MAGI3: variants seen among roughly 807,000 people sequenced by gnomAD.
MAGI3 encodes membrane associated guanylate kinase, WW and PDZ domain containing 3.
Under a neutral mutation model 121.8 loss-of-function variants are expected in MAGI3, and 43 were observed. The ratio of observed to expected loss-of-function variants is 0.35; its 90% CI spans 0.28 to 0.46. The LOEUF (loss-of-function observed/expected upper bound fraction) is 0.46. Ranked by LOEUF, MAGI3 falls within the 20% of genes least tolerant of loss-of-function variation. The pLI is 1.00. For missense variants in MAGI3, 1,547 were observed against 1,797.3 expected (o/e 0.86, Z 2.52); for synonymous variants, 553 against 639.3 (o/e 0.86, Z 2.04).
At chr1:113,462,797 A>G (rs2101521121) in intron 1 of MAGI3, among the ~76,000 whole-genome samples, 1 of 152,308 alleles carries the variant, frequency 6.6e-6, no homozygotes, top group South Asian at 2.1e-4. Context: ...CTTTTAGGCA[A>G]TTCTATTATT....
At chr1:113,597,078 C>T (rs560668090) in intron 6 of MAGI3, among the ~76,000 whole-genome samples, 1 of 152,148 alleles carries the variant, frequency 6.6e-6, no homozygotes, top group Non-Finnish European at 1.5e-5. Context: ...CCCAACTGTC[C>T]ATTAACCAAT....
At chr1:113,490,651 C>G (rs1656625856) in intron 1 of MAGI3, among the ~76,000 whole-genome samples, 1 of 152,158 alleles carries the variant, frequency 6.6e-6, no homozygotes, top group Non-Finnish European at 1.5e-5. Flanking sequence ...GAGTGACATA[C>G]ATAGGCTCAA....
At chr1:113,503,773 G>T (rs1043621110) in intron 1 of MAGI3, among the ~76,000 whole-genome samples, 1 of 151,328 alleles carries the variant, frequency 6.6e-6, no homozygotes, top group Non-Finnish European at 1.5e-5. Flanking sequence ...TTGGTTATTT[G>T]TAACAAGAAT....
chr1:113,671,971 ACTCTTGCCTGTTC>A lies in MAGI3; in HGVS notation c.2918+139_2918+151del, dbSNP rs1647583901. 4.0e-6 allele frequency: 3 copies of A among 758,290 alleles called. No individual in the cohort carries two copies. In the East Asian group the frequency reaches 8.1e-5, roughly 20 times the overall value. The allele number at this position is 758,290 out of a possible 1,614,324, so 47.0% of individuals were successfully genotyped here. ...GCCAGCTGTTGAGGTCAAAATGACA[ACTCTTGCCTGTTC>A]CTCAAATACCGTCCCCATCACCTCC... On this transcript the variant is annotated intron_variant, in intron 17 of 20. Transcript: ENST00000307546.
At chr1:113,594,897 A>G (rs1648904495) in intron 6 of MAGI3, among the ~76,000 whole-genome samples, 1 of 152,208 alleles carries the variant, frequency 6.6e-6, no homozygotes, top group South Asian at 2.1e-4. Flanking sequence ...ACCATAAGCT[A>G]GGTCTATCAT....
chr1:113,678,163 G>GTT (rs1419578451), intron 19 of MAGI3, among the ~76,000 whole-genome samples: 5 of 152,066 alleles, frequency 3.3e-5, no homozygotes, highest in Non-Finnish European at 7.4e-5. Context: ...AGTGTTCTGG[G>GTT]TTGGAGAGCT....
At chr1:113,394,141 T>C (rs1428770926) in intron 1 of MAGI3, among the ~76,000 whole-genome samples, 1 of 152,214 alleles carries the variant, frequency 6.6e-6, no homozygotes, top group Non-Finnish European at 1.5e-5. Context: ...CCAGGTGACT[T>C]AACATCTTTC....
At chr1:113,632,954 C>T (rs1044135862) in intron 9 of MAGI3, among the ~76,000 whole-genome samples, 10 of 150,934 alleles carry the variant, frequency 6.6e-5, no homozygotes, top group African/African-American at 2.4e-4. Context: ...ACACAATGTG[C>T]AGGTTAGTTA....
At chr1:113,541,751 G>A (rs1659297795) in intron 1 of MAGI3, among the ~76,000 whole-genome samples, 1 of 152,180 alleles carries the variant, frequency 6.6e-6, no homozygotes, top group African/African-American at 2.4e-5. Context: ...ATTGCAAAGG[G>A]TTTTAGTGTC....
At chr1:113,614,206 A>G (rs1310382344) in intron 6 of MAGI3, among the ~76,000 whole-genome samples, 1 of 152,188 alleles carries the variant, frequency 6.6e-6, no homozygotes, top group African/African-American at 2.4e-5. Context: ...TGAACATAAC[A>G]TCAAAAATGA....
chr1:113,634,308 G>C (rs1405398215), intron 9 of MAGI3, among the ~76,000 whole-genome samples: 1 of 151,840 alleles, frequency 6.6e-6, no homozygotes, highest in Non-Finnish European at 1.5e-5. Flanking sequence ...TGAAGTCCTT[G>C]CCCATGCCTA....
At chr1:113,629,115 T>G (rs1268554704) in intron 9 of MAGI3, among the ~76,000 whole-genome samples, 1 of 147,236 alleles carries the variant, frequency 6.8e-6, no homozygotes, top group African/African-American at 2.7e-5. Context: ...TTATTCTTGT[T>G]TTTTTTTGTC....
At chr1:113,457,084 C>A (rs1232181272) in intron 1 of MAGI3, among the ~76,000 whole-genome samples, 7 of 152,140 alleles carry the variant, frequency 4.6e-5, no homozygotes, top group African/African-American at 1.7e-4. Context: ...CAAAGGCTTT[C>A]CAAGCTCCTT....
Position 113,673,479 on chromosome 1 carries a change from T to C in MAGI3, c.3189+14T>C. On this transcript the variant is annotated intron_variant, in intron 19 of 20. Transcript: ENST00000307546. The stretch of plus-strand genomic sequence containing the variant: ...GGCAGAATTCATGTGAGTTGGTTTC[T>C]GTCTGTAACCTTAGGTTCAGGCTCT... 6.2e-7 allele frequency: 1 copy of C among 1,611,466 alleles called. No homozygotes were observed. Among genetic ancestry groups the C allele is most frequent in the Non-Finnish European group, 8.5e-7 (1 of 1,179,428 alleles).
At chr1:113,677,690 C>A (rs1647964500) in intron 19 of MAGI3, among the ~76,000 whole-genome samples, 1 of 152,168 alleles carries the variant, frequency 6.6e-6, no homozygotes, top group Admixed American at 6.5e-5. Flanking sequence ...AGGGAACATT[C>A]TTTTTCCCTA....
At chr1:113,419,613 G>T (rs1472870714) in intron 1 of MAGI3, among the ~76,000 whole-genome samples, 1 of 149,932 alleles carries the variant, frequency 6.7e-6, no homozygotes, top group Non-Finnish European at 1.5e-5. Context: ...AAAAAAGAAA[G>T]ATTGGGAATA....
intron 1 of MAGI3, among the ~76,000 whole-genome samples, chr1:113,512,944 C>T (rs1265820474): frequency 6.6e-6 from 1 of 152,140 alleles, no homozygotes; most frequent in Admixed American, 6.5e-5. Flanking sequence ...GATACAAAAT[C>T]AATGTACAAA....
intron 9 of MAGI3, among the ~76,000 whole-genome samples, chr1:113,640,611 C>G (rs1477688333): frequency 6.6e-6 from 1 of 151,966 alleles, no homozygotes; most frequent in Non-Finnish European, 1.5e-5. Flanking sequence ...CCATCATCCT[C>G]AGTAAACTAA....
Position 113,525,386 on chromosome 1 carries a change from C to A in MAGI3, c.317-24129C>A, listed in dbSNP as rs1217065128. The stretch of plus-strand genomic sequence containing the variant: ...TTCCTTTTTTCCTGTCTTCTTGTGA[C>A]TTTGACATTTTAGAAGACTATAGGG... On this transcript the variant is annotated intron_variant, in intron 1 of 20. Transcript: ENST00000307546. 2.6e-5 allele frequency among the ~76,000 whole-genome samples: 4 copies of A among 151,980 alleles called. No homozygotes were observed. In the East Asian group the frequency reaches 7.7e-4, roughly 29 times the overall value.
Sources: allele counts gnomAD v4.1 joint callset (sites outside exome capture counted in the v4.1 genomes callset), GRCh38; gene constraint gnomAD v4.1.1; transcripts MANE v1.5; gene names NCBI Gene and HGNC (gene_info 2026-07-23, HGNC 2026-07-21).